Variants in PRKN observed in about 807,000 individuals in gnomAD.
PRKN encodes parkin RBR E3 ubiquitin protein ligase.
PRKN carries 56 observed loss-of-function variants against 59.5 expected under a neutral mutation model. The observed-to-expected ratio is 0.94, with a 90% CI of 0.76 to 1.18. The LOEUF (loss-of-function observed/expected upper bound fraction) is 1.18. Among genes scored for constraint, PRKN ranks in the 50% most tolerant of loss-of-function variants. PRKN has a pLI of 0.00. For synonymous variants in PRKN, 250 were observed against 222.1 expected, an observed-to-expected ratio of 1.13 and a Z score of -1.12; for missense variants, 657 against 596.4, an observed-to-expected ratio of 1.10 and a Z score of -1.06.
At chr6:162,123,414 A>C (rs1780997263) in intron 4 of PRKN, among the ~76,000 whole-genome samples, 2 of 152,232 alleles carry the variant, frequency 1.3e-5, no homozygotes, top group South Asian at 4.1e-4. Context: ...ATATAAACTT[A>C]TCAGTTATAT....
At chr6:162,647,973 A>AAAAAAAAAAAAAT (rs1264732665) in intron 1 of PRKN, among the ~76,000 whole-genome samples, 1 of 140,732 alleles carries the variant, frequency 7.1e-6, no homozygotes, top group Admixed American at 7.3e-5. Context: ...AAAAAAAAAA[A>AAAAAAAAAAAAAT]AAAAGTCTAC....
chr6:162,007,179 C>G (rs1316973895), intron 5 of PRKN, among the ~76,000 whole-genome samples: 2 of 152,072 alleles, frequency 1.3e-5, no homozygotes, highest in Admixed American at 6.6e-5. Context: ...TAATGAAGGG[C>G]TGTGCATTTA....
chr6:162,403,024 T>A (rs1787876065), intron 2 of PRKN, among the ~76,000 whole-genome samples: 1 of 152,024 alleles, frequency 6.6e-6, no homozygotes, highest in South Asian at 2.1e-4. Context: ...CCCATGAAGA[T>A]CTCATCTAGT....
rs1777441383 is a variant in PRKN at position 161,488,895 on chromosome 6, G to C, written c.1083+59959C>G. On this transcript the variant is annotated intron_variant, in intron 9 of 11. Coordinates refer to ENST00000366898, the MANE Select transcript of PRKN (RefSeq NM_004562.3). The surrounding 1 kb of genome is among the most constrained non-coding windows in gnomAD (Gnocchi z 4.5). ...TGGCTGATACATTGAATGATGAAGA[G>C]GAATTAAGGCAATGGAAAATAGAAC... 6.6e-6 allele frequency among the ~76,000 whole-genome samples: 1 copy of C among 152,134 alleles called. No individual in the cohort carries two copies. Among genetic ancestry groups the C allele is most frequent in the Admixed American group, 6.5e-5 (1 of 15,276 alleles).
At chr6:161,491,037 T>C (rs1484123498) in intron 9 of PRKN, among the ~76,000 whole-genome samples, 1 of 152,214 alleles carries the variant, frequency 6.6e-6, no homozygotes, top group Non-Finnish European at 1.5e-5. Context: ...TGTGAAACCA[T>C]GAGCCAATTA....
At position 161,347,606 on chromosome 6, in the gene PRKN, C is replaced by CCTTTTTGTTTTTTTTTTTTTT; in HGVS notation, c.*2492_*2493insAAAAAAAAAAAAAACAAAAAG. 7.4e-6 allele frequency: 1 copy of CCTTTTTGTTTTTTTTTTTTTT among 134,762 alleles called. No homozygotes were observed. 8.3% of individuals were successfully genotyped at this position (134,762 alleles called of 1,614,324 possible). On this transcript the variant is annotated 3_prime_UTR_variant, in exon 12 of 12. Transcript: ENST00000366898. ...TGTTCATGTGTAGTGGATGATCTTG[C>CCTTTTTGTTTTTTTTTTTTTT]TTTTTTGTTTTTGTTTTTTTTTTTT...
intron 5 of PRKN, among the ~76,000 whole-genome samples, chr6:161,976,399 G>A (rs2128252855): frequency 6.6e-6 from 1 of 152,322 alleles, no homozygotes; most frequent in Non-Finnish European, 1.5e-5. Context: ...AGTCTTGCTG[G>A]AGTGGACAGG....
chr6:161,998,756 CCGTT>C (rs1781936886), intron 5 of PRKN, among the ~76,000 whole-genome samples: 1 of 152,108 alleles, frequency 6.6e-6, no homozygotes, highest in East Asian at 1.9e-4. Flanking sequence ...AAATCCAATC[CCGTT>C]ATACATACTT....
chr6:162,533,101 T>C (rs1355524595), intron 1 of PRKN, among the ~76,000 whole-genome samples: 1 of 152,208 alleles, frequency 6.6e-6, no homozygotes, highest in East Asian at 1.9e-4. Flanking sequence ...AATTCTTGTA[T>C]CTGCTTAGCT....
At chr6:162,719,658 C>T (rs1268085536) in intron 1 of PRKN, among the ~76,000 whole-genome samples, 3 of 152,144 alleles carry the variant, frequency 2.0e-5, no homozygotes, top group African/African-American at 7.2e-5. Flanking sequence ...CCAGTAGGAG[C>T]TGTGGTGAAG....
chr6:161,714,205 A>G (rs529835564), intron 7 of PRKN, among the ~76,000 whole-genome samples: 2 of 152,308 alleles, frequency 1.3e-5, no homozygotes, highest in South Asian at 2.1e-4. Flanking sequence ...CAGATGCTGA[A>G]AAGAGGGGAA....
chr6:162,348,202 A>C (rs1349662495), intron 2 of PRKN, among the ~76,000 whole-genome samples: 4 of 152,310 alleles, frequency 2.6e-5, no homozygotes, highest in Admixed American at 2.6e-4. Context: ...TTCACAGAGC[A>C]TTGAGTAGAA....
At chr6:162,452,873 G>C (rs1790690985) in intron 1 of PRKN, among the ~76,000 whole-genome samples, 2 of 124,132 alleles carry the variant, frequency 1.6e-5, no homozygotes, top group Admixed American at 1.6e-4. Context: ...GACACAAATG[G>C]TTTCAAAATA....
chr6:161,613,041 G>T (rs1582890749), intron 7 of PRKN, among the ~76,000 whole-genome samples: 1 of 152,094 alleles, frequency 6.6e-6, no homozygotes, highest in African/African-American at 2.4e-5. Context: ...TAAGGAAATA[G>T]CTGCCATAAA....
chr6:162,298,170 G>GA (rs1781767525), intron 2 of PRKN, among the ~76,000 whole-genome samples: 1 of 148,808 alleles, frequency 6.7e-6, no homozygotes, highest in Admixed American at 6.7e-5. Context: ...CAGACGGAGG[G>GA]GAGAGAGAGA....
At chr6:162,718,671 C>T (rs1778816707) in intron 1 of PRKN, among the ~76,000 whole-genome samples, 1 of 152,010 alleles carries the variant, frequency 6.6e-6, no homozygotes, top group African/African-American at 2.4e-5. Flanking sequence ...CGCGATCACG[C>T]CACTGCACTC....
In PRKN at chr6:161,529,159, G is replaced by A. The variant is rs929894932; in HGVS notation, c.1083+19695C>T. On this transcript the variant is annotated intron_variant, in intron 9 of 11. Transcript: ENST00000366898. This position sits in a 1 kb window ranked among gnomAD's most constrained non-coding sequence, Gnocchi z 4.4. ...CTCCCTAGTCACCGCATGCCTTCCTGTTCCAGTGAAATTTAGGGTATTGAA... is the reference window on the plus strand; with the variant it reads ...CTCCCTAGTCACCGCATGCCTTCCTATTCCAGTGAAATTTAGGGTATTGAA... 1.3e-5 allele frequency among the ~76,000 whole-genome samples: 2 copies of A among 152,164 alleles called. No homozygotes were observed. Among genetic ancestry groups the A allele is most frequent in the Admixed American group, 6.5e-5 (1 of 15,268 alleles).
At chr6:161,796,016 T>G (rs1243527137) in intron 6 of PRKN, among the ~76,000 whole-genome samples, 2 of 152,190 alleles carry the variant, frequency 1.3e-5, no homozygotes, top group Non-Finnish European at 2.9e-5. Context: ...GCCACATACA[T>G]AAATCTGCGT....
At chr6:162,590,520 C>T (rs67025553) in intron 1 of PRKN, among the ~76,000 whole-genome samples, 15,324 of 152,102 alleles carry the variant, frequency 0.1, 920 homozygotes, top group Middle Eastern at 0.19. Context: ...TCAAAGCATC[C>T]ATTGATCTTG....
Sources: allele counts gnomAD v4.1 joint callset (sites outside exome capture counted in the v4.1 genomes callset), GRCh38; gene constraint gnomAD v4.1.1; non-coding constraint Gnocchi (gnomAD v3.1); transcripts MANE v1.5; gene names NCBI Gene and HGNC (gene_info 2026-07-23, HGNC 2026-07-21).